Variants in CDK14 observed in about 807,000 individuals in gnomAD.
CDK14 encodes cyclin dependent kinase 14, also known as cyclin-dependent kinase 14.
A neutral mutation model predicts 60.7 loss-of-function variants in CDK14; 34 were observed. The ratio of observed to expected loss-of-function variants is 0.56; its 90% CI spans 0.43 to 0.75. The LOEUF is 0.75. Among genes scored for constraint, CDK14 ranks in the 30% least tolerant of loss-of-function variants. CDK14 has a pLI of 0.00. For missense variants in CDK14, 482 were observed against 564.1 expected, an observed-to-expected ratio of 0.85 and a Z score of 1.47; for synonymous variants, 197 against 203.7, an observed-to-expected ratio of 0.97 and a Z score of 0.28.
At chr7:90,879,813 C>A (rs1029717004) in intron 6 of CDK14, among the ~76,000 whole-genome samples, 3 of 151,342 alleles carry the variant, frequency 2.0e-5, no homozygotes, top group African/African-American at 7.3e-5. Context: ...CGGGCATTAC[C>A]CACCGAGAGA....
At chr7:91,141,220 G>A (rs369783253) in intron 14 of CDK14, among the ~76,000 whole-genome samples, 1 of 152,316 alleles carries the variant, frequency 6.6e-6, no homozygotes, top group African/African-American at 2.4e-5. Flanking sequence ...CTCAGTAGGG[G>A]GCCATTCCAG....
At chr7:90,832,588 C>A (rs1039807329) in intron 5 of CDK14, among the ~76,000 whole-genome samples, 4 of 151,832 alleles carry the variant, frequency 2.6e-5, no homozygotes, top group Non-Finnish European at 5.9e-5. Flanking sequence ...CTGAAAATAC[C>A]TTACATAAGT....
chr7:91,117,494 A>T (rs983347705), intron 13 of CDK14, among the ~76,000 whole-genome samples: 1 of 152,000 alleles, frequency 6.6e-6, no homozygotes, highest in African/African-American at 2.4e-5. Context: ...CTCTTACCTC[A>T]TTTGATTCTC....
intron 8 of CDK14, among the ~76,000 whole-genome samples, chr7:90,926,966 G>A (rs1406652626): frequency 4.6e-5 from 7 of 152,104 alleles, no homozygotes; most frequent in African/African-American, 1.4e-4. Context: ...TACAACTGGG[G>A]AACAGCCAGA....
At chr7:90,736,343 T>A (rs1344823188) in intron 3 of CDK14, among the ~76,000 whole-genome samples, 2 of 40,408 alleles carry the variant, frequency 4.9e-5, no homozygotes, top group Non-Finnish European at 9.2e-5. Context: ...TACTTTATTA[T>A]GTTTTTGTTT....
At chr7:91,141,742 C>T (rs1160571520) in intron 14 of CDK14, among the ~76,000 whole-genome samples, 2 of 152,130 alleles carry the variant, frequency 1.3e-5, no homozygotes, top group Admixed American at 1.3e-4. Flanking sequence ...AGGTTGTAAC[C>T]TGGAAGTCTT....
intron 14 of CDK14, among the ~76,000 whole-genome samples, chr7:91,188,333 T>C (rs529293709): frequency 1.8e-4 from 28 of 152,220 alleles, no homozygotes; most frequent in Admixed American, 6.5e-4. Flanking sequence ...CAAGTGTTTA[T>C]AACCTCTCAG....
intron 12 of CDK14, among the ~76,000 whole-genome samples, chr7:91,093,764 G>A (rs1181056138): frequency 1.3e-5 from 2 of 152,040 alleles, no homozygotes; most frequent in East Asian, 1.9e-4. Flanking sequence ...GCAAATACAT[G>A]GAATCAACCT....
intron 5 of CDK14, among the ~76,000 whole-genome samples, chr7:90,816,609 C>A (rs1002025810): frequency 3.3e-5 from 5 of 152,038 alleles, no homozygotes; most frequent in African/African-American, 1.2e-4. Flanking sequence ...GGAGATATAA[C>A]AAGATATTGA....
rs542271776 is a variant in CDK14, at chr7:91,001,040, TG to T, written c.1041+16800del. On this transcript the variant is annotated intron_variant, in intron 10 of 14. Coordinates refer to ENST00000380050, the MANE Select transcript of CDK14 (RefSeq NM_001287135.2). ...AATATTAGTTTTTTGTTATTGTTAC[TG>T]TTTTTTTTGTCTTAAACTCTGAAAA... Among the ~76,000 whole-genome samples, 6 of 152,346 alleles carry T rather than the reference TG, an allele frequency of 3.9e-5. No homozygotes were observed. The South Asian group carries it at 6.2e-4, about 16-fold the overall frequency.
Position 90,991,544 on chromosome 7 carries a change from G to C in CDK14, c.1041+7303G>C, listed in dbSNP as rs562715929. 7.2e-5 allele frequency among the ~76,000 whole-genome samples: 11 copies of C among 152,252 alleles called. No homozygotes were observed. In the South Asian group the frequency reaches 2.3e-3, roughly 32 times the overall value. ...TGGAGCAAGATAATACTTCAGCTCA[G>C]GTCTGTTCAGCGGGTAGGGGTGGTG... is the stretch of plus-strand genomic sequence containing the variant. On this transcript the variant is annotated intron_variant, in intron 10 of 14. Transcript: ENST00000380050.
intron 1 of CDK14, among the ~76,000 whole-genome samples, chr7:90,598,774 G>A (rs1312394464): frequency 7.3e-6 from 1 of 137,644 alleles, no homozygotes; most frequent in African/African-American, 2.7e-5. Flanking sequence ...GCGGGATCTC[G>A]GCTCACTGCA....
chr7:90,723,403 C>G (rs923885561), intron 2 of CDK14, among the ~76,000 whole-genome samples: 2 of 152,138 alleles, frequency 1.3e-5, no homozygotes, highest in African/African-American at 4.8e-5. Flanking sequence ...GAAAACTTGA[C>G]TCACAAGGTT....
chr7:90,930,000 A>C (rs1403250080), intron 8 of CDK14, among the ~76,000 whole-genome samples: 3 of 152,214 alleles, frequency 2.0e-5, no homozygotes, highest in Admixed American at 2.0e-4. Context: ...AAAATGGCAT[A>C]TTGATTTCTT....
intron 14 of CDK14, among the ~76,000 whole-genome samples, chr7:91,184,070 T>G (rs916861229): frequency 6.6e-6 from 1 of 151,908 alleles, no homozygotes; most frequent in Non-Finnish European, 1.5e-5. Flanking sequence ...AAAATTACAT[T>G]TTTTAATAGA....
intron 2 of CDK14, among the ~76,000 whole-genome samples, chr7:90,634,842 G>C (rs902799613): frequency 6.6e-6 from 1 of 151,996 alleles, no homozygotes; most frequent in Non-Finnish European, 1.5e-5. Flanking sequence ...GTGTGAGATG[G>C]TATCTCATTG....
At chr7:90,781,064 G>C (rs570099461) in intron 4 of CDK14, among the ~76,000 whole-genome samples, 1 of 152,040 alleles carries the variant, frequency 6.6e-6, no homozygotes, top group Admixed American at 6.6e-5. Context: ...TCCAGCACCT[G>C]TTGTTTCCTG....
chr7:90,884,668 T>C (rs1399568804), intron 6 of CDK14, among the ~76,000 whole-genome samples: 1 of 152,152 alleles, frequency 6.6e-6, no homozygotes, highest in East Asian at 1.9e-4. Flanking sequence ...GGCATCACGC[T>C]ACCTGACTTC....
chr7:90,915,823 A>G (rs927403348), intron 7 of CDK14, among the ~76,000 whole-genome samples: 6 of 152,220 alleles, frequency 3.9e-5, no homozygotes, highest in Non-Finnish European at 5.9e-5. Context: ...CTACTTCATT[A>G]AAATTGTTTG....
Sources: gnomAD v4.1 joint callset for allele counts (sites outside exome capture counted in the v4.1 genomes callset) on GRCh38, gnomAD v4.1.1 for gene constraint, MANE v1.5 for transcripts, NCBI Gene and HGNC (gene_info 2026-07-23, HGNC 2026-07-21) for gene names.